OR4K1: variants seen among roughly 807,000 people sequenced by gnomAD.
The protein encoded by OR4K1 is olfactory receptor 4K1.
In OR4K1, 16 loss-of-function variants were observed where a neutral mutation model predicts 14.4. The observed-to-expected ratio is 1.11, with a 90% CI of 0.75 to 1.68. The LOEUF (loss-of-function observed/expected upper bound fraction) is 1.68, where lower values mean the gene tolerates loss of function less well. OR4K1 is among the 40% of genes most tolerant of loss of function. The pLI, the probability that OR4K1 is intolerant of heterozygous loss-of-function variation, is 0.00. For missense variants in OR4K1, 548 were observed against 376.9 expected (o/e 1.45, Z -3.76); for synonymous variants, 181 against 133.1 (o/e 1.36, Z -2.48).
chr14:19,928,817 A>G (rs11848475), upstream of OR4K1, among the ~76,000 whole-genome samples: 523 of 152,122 alleles, frequency 3.4e-3, no homozygotes, highest in African/African-American at 0.012. Flanking sequence ...CTCCTTGTGC[A>G]TCTGCTCATT....
chr14:19,920,955 T>A, the OR4K1 span: 3 of 1,614,196 alleles, frequency 1.9e-6, no homozygotes, highest in Non-Finnish European at 2.5e-6. Context: ...GCTACTTGTT[T>A]CGATGGCCTA....
chr14:19,924,400 CAAAAAAAAAAAA>C, the OR4K1 span, among the ~76,000 whole-genome samples: 368 of 79,268 alleles, frequency 4.6e-3, 2 homozygotes, highest in Non-Finnish European at 3.5e-3. Context: ...AACTCCGTAT[CAAAAAAAAAAAA>C]AAAAAAAAAA....
chr14:19,920,938 A>C, the OR4K1 span: 2 of 1,614,036 alleles, frequency 1.2e-6, no homozygotes, highest in South Asian at 2.2e-5. Flanking sequence ...ACTGGAGGGG[A>C]GATGGTGCTA....
At chr14:19,931,693 T>C (rs953948509) in intron 1 of OR4K1, among the ~76,000 whole-genome samples, 1 of 152,258 alleles carries the variant, frequency 6.6e-6, no homozygotes, top group African/African-American at 2.4e-5. Context: ...ACAGCAACCC[T>C]TTCATATCCA....
At chr14:19,928,265 T>C (rs1882103147), upstream of OR4K1, among the ~76,000 whole-genome samples, 1 of 152,240 alleles carries the variant, frequency 6.6e-6, no homozygotes, top group Non-Finnish European at 1.5e-5. Context: ...TTCTAGGATT[T>C]ACTATGATCT....
intron 1 of OR4K1, among the ~76,000 whole-genome samples, chr14:19,933,119 GT>G (rs1386438190): frequency 2.6e-5 from 4 of 151,542 alleles, no homozygotes; most frequent in South Asian, 2.1e-4. Flanking sequence ...CAATTATGGA[GT>G]TTTTTTACTG....
chr14:19,932,929 A>G (rs1882217044), intron 1 of OR4K1, among the ~76,000 whole-genome samples: 1 of 151,616 alleles, frequency 6.6e-6, no homozygotes, highest in African/African-American at 2.4e-5. Flanking sequence ...AGCAAATATT[A>G]GAAAATGTGC....
At chr14:19,929,308 GAT>G (rs1237356435), upstream of OR4K1, among the ~76,000 whole-genome samples, 1 of 145,544 alleles carries the variant, frequency 6.9e-6, no homozygotes, top group Non-Finnish European at 1.5e-5. Flanking sequence ...TTTATATATA[GAT>G]ATATATAATT....
At position 19,936,390 on chromosome 14, in the gene OR4K1, G is replaced by T. The variant is rs762080204; in HGVS notation, c.724G>T (p.Ala242Ser). 1.2e-6 allele frequency: 2 copies of T among 1,614,054 alleles called. No individual in the cohort carries two copies. Among genetic ancestry groups the T allele is most frequent in the East Asian group, 2.2e-5 (1 of 44,906 alleles). Residue 242 changes from alanine (A) to serine (S), a missense_variant, in exon 2 of 2, where the codon GCC (alanine) becomes TCC (serine). Coordinates refer to ENST00000641172, the MANE Select transcript of OR4K1 (RefSeq NM_001004063.3). ...GSSKALSTLT[A>S]HITVVILFFG... ...ATCTAAGGCTCTTTCTACATTAACTGCCCACATCACAGTGGTCATTCTTTT... is the reference window on the plus strand; with the variant it reads ...ATCTAAGGCTCTTTCTACATTAACTTCCCACATCACAGTGGTCATTCTTTT...
In OR4K1 at chr14:19,936,273, A is replaced by G. The variant is rs201955766; in HGVS notation, c.607A>G (p.Ser203Gly). 2 of 1,614,134 alleles carry G rather than the reference A, an allele frequency of 1.2e-6. No individual in the cohort carries two copies. Among genetic ancestry groups the G allele is most frequent in the Non-Finnish European group, 1.7e-6 (2 of 1,180,044 alleles). ...AATGGAAATTATGACCCTAACGAACAGTGGCCTGATATCATTGAGCTGTTT... is the reference window on the plus strand; with the variant it reads ...AATGGAAATTATGACCCTAACGAACGGTGGCCTGATATCATTGAGCTGTTT... ...YEMEIMTLTN[S>G]GLISLSCFLA... The change falls in exon 2 of 2, where the codon AGT becomes GGT. Residue 203 changes from serine (S) to glycine (G), a missense_variant. Transcript: ENST00000641172.
At chr14:19,935,504 C>G in intron 1 of OR4K1, 144 bp from the exon 2 acceptor site, 1 of 648,846 alleles carries the variant, frequency 1.5e-6, no homozygotes, top group East Asian at 2.9e-5. Flanking sequence ...TATTAGTCAA[C>G]TGAGTATTTA....
chr14:19,921,037 T>C, the OR4K1 span: 2 of 1,614,220 alleles, frequency 1.2e-6, no homozygotes, highest in South Asian at 1.1e-5. Context: ...TGCACTGTCT[T>C]GGTAATGATC....
chr14:19,935,886 T>C lies in OR4K1; in HGVS notation c.220T>C (p.Ser74Pro). The C allele has an allele frequency of 6.2e-7, 1 of 1,614,280 alleles. No homozygotes were observed. Among genetic ancestry groups the C allele is most frequent in the Non-Finnish European group, 8.5e-7 (1 of 1,180,052 alleles). Residue 74 changes from serine (S) to proline (P), a missense_variant, in exon 2 of 2, where the codon TCT (serine) becomes CCT (proline). Physicochemically the swap from Ser to Pro is moderately conservative, Grantham distance 74. Transcript: ENST00000641172. Reference sequence around the variant, plus strand: ...TCTTTCTTTCATTGATATCTGTCAGTCTAACTTTGCCACCCCCAAGATGCT... The same window carrying C: ...TCTTTCTTTCATTGATATCTGTCAGCCTAACTTTGCCACCCCCAAGATGCT... ...SNLSFIDICQ[S>P]NFATPKMLVD...
upstream of OR4K1, among the ~76,000 whole-genome samples, chr14:19,928,593 A>ATT (rs1292082293): frequency 1.3e-5 from 2 of 152,012 alleles, no homozygotes; most frequent in African/African-American, 4.8e-5. Context: ...AATTGGGCAT[A>ATT]TTTTTTGCCT....
chr14:19,924,799 A>G, the OR4K1 span, among the ~76,000 whole-genome samples: 5 of 152,248 alleles, frequency 3.3e-5, no homozygotes, highest in East Asian at 1.9e-4. Flanking sequence ...TCTAGTTCCA[A>G]TAAAAACAAG....
chr14:19,924,040 A>G, the OR4K1 span, among the ~76,000 whole-genome samples: 1 of 152,266 alleles, frequency 6.6e-6, no homozygotes, highest in Non-Finnish European at 1.5e-5. Context: ...GTTGAATAAA[A>G]AAAAGTCAGT....
the OR4K1 span, among the ~76,000 whole-genome samples, chr14:19,923,517 T>C: frequency 3.2e-4 from 48 of 152,324 alleles, no homozygotes; most frequent in African/African-American, 1.2e-3. Flanking sequence ...ATATTCATTG[T>C]ATATAACATA....
chr14:19,924,819 T>A, the OR4K1 span, among the ~76,000 whole-genome samples: 1 of 152,278 alleles, frequency 6.6e-6, no homozygotes, highest in African/African-American at 2.4e-5. Context: ...GGGACATTCC[T>A]AATGCTAAGA....
chr14:19,922,623 A>C, the OR4K1 span, among the ~76,000 whole-genome samples: 1 of 151,242 alleles, frequency 6.6e-6, no homozygotes, highest in African/African-American at 2.4e-5. Flanking sequence ...AAGACGATTC[A>C]GATTCAGATT....
Sources: gnomAD v4.1 joint callset for allele counts (sites outside exome capture counted in the v4.1 genomes callset) on GRCh38, gnomAD v4.1.1 for gene constraint, MANE v1.5 for transcripts, NCBI Gene and HGNC (gene_info 2026-07-23, HGNC 2026-07-21) for gene names.